The following LATS2 variants were observed in gnomAD, a reference collection of about 807,000 sequenced individuals.
LATS2 encodes the protein serine/threonine-protein kinase LATS2.
In LATS2, 24 loss-of-function variants were observed where a neutral mutation model predicts 76.0. The observed-to-expected ratio is 0.32, with a 90% CI of 0.23 to 0.44. The LOEUF (loss-of-function observed/expected upper bound fraction) is 0.44. LATS2 is among the 20% of genes least tolerant of loss of function. The pLI is 1.00. For missense variants in LATS2, 1,286 were observed against 1,481.2 expected, an observed-to-expected ratio of 0.87 and a Z score of 2.16; for synonymous variants, 692 against 635.4, an observed-to-expected ratio of 1.09 and a Z score of -1.34.
Position 20,988,398 on chromosome 13 carries a change from G to C in LATS2, c.1382C>G (p.Ser461Trp). ...AGGCGCGGGCACCCAGGCGGGGTGC[G>C]AGGGCCCCACAGCCGTCTGCGGCTC... Reference protein sequence around the residue: ...RPEPQTAVGPSHPAWVPAPAP... With the variant: ...RPEPQTAVGPWHPAWVPAPAP... Residue 461 changes from serine (S) to tryptophan (W), a missense_variant, in exon 4 of 8, where the codon TCG becomes TGG. By Grantham distance (177) the Ser-to-Trp change is radical. This residue lies in a region of LATS2 where 710 missense variants were observed against 660.9 expected (regional missense o/e 1.07). Coordinates refer to ENST00000382592, the MANE Select transcript of LATS2 (RefSeq NM_014572.3). 7.2e-7 allele frequency: 1 copy of C among 1,388,314 alleles called. No individual in the cohort carries two copies. The highest frequency in any genetic ancestry group is 9.2e-7 in the Non-Finnish European group (1 of 1,081,770). The allele number at this position is 1,388,314 out of a possible 1,614,324, so 86.0% of individuals were successfully genotyped here. A position where few individuals can be genotyped will look rare whatever the true frequency, so the allele number is the denominator to read the frequency against.
chr13:20,979,890 A>G (rs1869791529), intron 6 of LATS2, 93 bp from the exon 7 acceptor site: 2 of 718,690 alleles, frequency 2.8e-6, no homozygotes, highest in African/African-American at 3.5e-5. Context: ...ATTTCCTGTT[A>G]AGTGGGAAAG....
chr13:21,053,527 T>C (rs1873349203), intron 1 of LATS2, among the ~76,000 whole-genome samples: 1 of 151,990 alleles, frequency 6.6e-6, no homozygotes, highest in African/African-American at 2.4e-5. Context: ...AAGACACAGG[T>C]AGTCACTCAG....
chr13:21,016,550 A>T (rs1486067712), intron 2 of LATS2, among the ~76,000 whole-genome samples: 2 of 152,090 alleles, frequency 1.3e-5, no homozygotes, highest in Non-Finnish European at 2.9e-5. Flanking sequence ...AAAGTGCTGG[A>T]ATTACAGGTA....
chr13:21,036,119 C>T (rs1484911385), intron 2 of LATS2, among the ~76,000 whole-genome samples: 4 of 152,156 alleles, frequency 2.6e-5, no homozygotes, highest in Admixed American at 2.6e-4. Context: ...TGGTCTCGAA[C>T]ACCCGACCTC....
At chr13:21,060,692 G>A (rs979724028) in intron 1 of LATS2, among the ~76,000 whole-genome samples, 1 of 151,570 alleles carries the variant, frequency 6.6e-6, no homozygotes, top group Non-Finnish European at 1.5e-5. Flanking sequence ...CTGAGGGGCG[G>A]CGCGGCCTCG....
intron 1 of LATS2, among the ~76,000 whole-genome samples, chr13:21,049,044 G>A (rs1873171042): frequency 6.6e-6 from 1 of 152,082 alleles, no homozygotes; most frequent in African/African-American, 2.4e-5. Context: ...TTAGACCTGA[G>A]TGTCAGGAGG....
chr13:20,995,168 C>G (rs772248213), intron 2 of LATS2, among the ~76,000 whole-genome samples: 3 of 151,936 alleles, frequency 2.0e-5, no homozygotes, highest in African/African-American at 4.8e-5. Flanking sequence ...TAAGGGTTAG[C>G]TGTTACAGTT....
At chr13:21,008,465 T>C (rs980725077) in intron 2 of LATS2, among the ~76,000 whole-genome samples, 1 of 152,060 alleles carries the variant, frequency 6.6e-6, no homozygotes, top group Non-Finnish European at 1.5e-5. Flanking sequence ...ACGCTAAATG[T>C]AGGTATTTAT....
chr13:21,026,132 G>A (rs1318912744), intron 2 of LATS2, among the ~76,000 whole-genome samples: 2 of 152,100 alleles, frequency 1.3e-5, no homozygotes, highest in Non-Finnish European at 2.9e-5. Context: ...AAGAAGAGAA[G>A]GAAACGAATT....
chr13:21,043,502 GA>G (rs1278572688), intron 2 of LATS2, among the ~76,000 whole-genome samples: 2 of 152,098 alleles, frequency 1.3e-5, no homozygotes, highest in African/African-American at 4.8e-5. Context: ...TCTAGGCCAA[GA>G]AAAGTGTGAG....
intron 2 of LATS2, among the ~76,000 whole-genome samples, chr13:21,024,111 A>AAAAAG (rs1565957889): frequency 2.0e-5 from 3 of 150,114 alleles, no homozygotes; most frequent in Admixed American, 6.7e-5. Context: ...AAAAAAAAAA[A>AAAAAG]AAAAGAAAAA....
intron 2 of LATS2, among the ~76,000 whole-genome samples, chr13:21,018,572 C>T (rs561780359): frequency 1.2e-4 from 18 of 152,354 alleles, no homozygotes; most frequent in East Asian, 1.9e-4. Flanking sequence ...AGACTGTGGT[C>T]GCTTCCCTGA....
chr13:21,000,364 G>C (rs1870986060), intron 2 of LATS2, among the ~76,000 whole-genome samples: 1 of 151,884 alleles, frequency 6.6e-6, no homozygotes, highest in Non-Finnish European at 1.5e-5. Context: ...CTGGGTGACA[G>C]AGCAAGACTC....
At chr13:20,978,167 C>T (rs1162703101) in intron 7 of LATS2, among the ~76,000 whole-genome samples, 1 of 152,052 alleles carries the variant, frequency 6.6e-6, no homozygotes, top group Non-Finnish European at 1.5e-5. Context: ...TGCCCGCCTC[C>T]GCCTCCCAAA....
intron 1 of LATS2, among the ~76,000 whole-genome samples, chr13:21,047,704 A>T (rs1343337290): frequency 5.0e-5 from 7 of 139,096 alleles, no homozygotes; most frequent in South Asian, 2.3e-4. Flanking sequence ...CAAGTGGATT[A>T]AAAAAAAAAA....
rs940017321 is a variant in LATS2 at position 20,984,255 on chromosome 13, T to C, written c.1900-449A>G. ...GGCCAGTTTTGTTTTTTTATATCCATATATAGACATGAATATGGAATGAAA... is the reference window on the plus strand; with the variant it reads ...GGCCAGTTTTGTTTTTTTATATCCACATATAGACATGAATATGGAATGAAA... On this transcript the variant is annotated intron_variant, in intron 4 of 7. Coordinates refer to ENST00000382592, the MANE Select transcript of LATS2 (RefSeq NM_014572.3). Among the ~76,000 whole-genome samples the C allele has an allele frequency of 5.9e-5, 9 of 152,140 alleles. 1 individual carries two copies. Among genetic ancestry groups the C allele is most frequent in the Admixed American group, 5.9e-4 (9 of 15,264 alleles).
At chr13:21,038,606 A>C (rs140459517) in intron 2 of LATS2, 1 of 152,184 alleles carries the variant, frequency 6.6e-6, no homozygotes, top group South Asian at 2.1e-4. Context: ...AAAGTTTCCA[A>C]TTAGCAATAA....
chr13:20,997,594 G>A (rs1016155398), intron 2 of LATS2, among the ~76,000 whole-genome samples: 2 of 152,248 alleles, frequency 1.3e-5, no homozygotes, highest in Admixed American at 6.5e-5. Context: ...GCTGTCCCTC[G>A]GGGAAGCTGG....
rs1344470683 is a variant in LATS2 at position 20,988,441 on chromosome 13, C to T, written c.1339G>A (p.Val447Met). The change falls in exon 4 of 8, where the codon GTG becomes ATG. Residue 447 changes from valine (V) to methionine (M), a missense_variant. Physicochemically the swap from Val to Met is conservative, Grantham distance 21 (BLOSUM62 1). Around this residue, in one of 5 missense-constraint regions of LATS2, gnomAD observed 710 missense variants for 660.9 expected, o/e 1.07. Transcript: ENST00000382592. ...AAHILHPVKS[V>M]RVLRPEPQTA... ...TGCGGCTCCGGCCTCAGCACACGCACGCTCTTCACCGGGTGCAAGATGTGC... is the reference window on the plus strand; with the variant it reads ...TGCGGCTCCGGCCTCAGCACACGCATGCTCTTCACCGGGTGCAAGATGTGC... The T allele has an allele frequency of 1.3e-6, 2 of 1,511,372 alleles. No individual in the cohort carries two copies. The highest frequency in any genetic ancestry group is 1.8e-6 in the Non-Finnish European group (2 of 1,137,036). The allele number at this position is 1,511,372 out of a possible 1,614,324, so 93.6% of individuals were successfully genotyped here.
Sources: allele counts gnomAD v4.1 joint callset (sites outside exome capture counted in the v4.1 genomes callset), GRCh38; gene constraint gnomAD v4.1.1; regional missense constraint gnomAD v4.1.1; transcripts MANE v1.5; gene names NCBI Gene and HGNC (gene_info 2026-07-23, HGNC 2026-07-21).